The following PRKAR2B variants were observed in gnomAD, a reference collection of about 807,000 sequenced individuals.
The protein encoded by PRKAR2B is cAMP-dependent protein kinase type II-beta regulatory subunit.
PRKAR2B carries 14 observed loss-of-function variants against 49.9 expected under a neutral mutation model. The observed-to-expected ratio is 0.28, with a 90% CI of 0.19 to 0.44. The LOEUF (loss-of-function observed/expected upper bound fraction) is 0.44. PRKAR2B is among the 20% of genes least tolerant of loss of function. The pLI is 1.00. For synonymous variants in PRKAR2B, 196 were observed against 197.7 expected (o/e 0.99, Z 0.07); for missense variants, 393 against 537.9 (o/e 0.73, Z 2.67).
intron 7 of PRKAR2B, among the ~76,000 whole-genome samples, chr7:107,152,535 C>T (rs1391744166): frequency 6.6e-6 from 1 of 152,156 alleles, no homozygotes; most frequent in Non-Finnish European, 1.5e-5. Flanking sequence ...CCTAAAAATT[C>T]AGCTTCATTT....
chr7:107,103,379 AC>A (rs1795011883), intron 2 of PRKAR2B, among the ~76,000 whole-genome samples: 1 of 152,172 alleles, frequency 6.6e-6, no homozygotes, highest in African/African-American at 2.4e-5. Context: ...ATGTAGGCAA[AC>A]CCCAGGGTTC....
At chr7:107,100,986 A>G (rs1354441067) in intron 2 of PRKAR2B, among the ~76,000 whole-genome samples, 2 of 152,052 alleles carry the variant, frequency 1.3e-5, no homozygotes, top group African/African-American at 4.8e-5. Context: ...CCAATTGTAG[A>G]TCATATCTGT....
In PRKAR2B at chr7:107,092,277, C is replaced by CTGTG. The variant is rs34049788; in HGVS notation, c.343+21975_343+21978dup. On this transcript the variant is annotated intron_variant, in intron 2 of 10. Transcript: ENST00000265717. ...TGTGTGTGTGTGTGTGTGCGTGTGT[C>CTGTG]TGTGTGTGTGTGTGTGTCACAGAAT... Among the ~76,000 whole-genome samples, 735 of 146,098 alleles carry CTGTG rather than the reference C, an allele frequency of 5.0e-3. 3 individuals carry two copies. Among genetic ancestry groups the CTGTG allele is most frequent in the Non-Finnish European group, 8.1e-3 (537 of 66,040 alleles).
At chr7:107,082,458 T>C (rs574378433) in intron 2 of PRKAR2B, among the ~76,000 whole-genome samples, 21 of 152,282 alleles carry the variant, frequency 1.4e-4, no homozygotes, top group Non-Finnish European at 2.8e-4. Flanking sequence ...TTGAAAGCTC[T>C]TCTTAGAATA....
chr7:107,157,963 CCT>C (rs2115684415), intron 10 of PRKAR2B, among the ~76,000 whole-genome samples: 1 of 152,130 alleles, frequency 6.6e-6, no homozygotes, highest in African/African-American at 2.4e-5. Flanking sequence ...CAGTTATTAC[CCT>C]CTCTGTGCTT....
chr7:107,059,410 T>C (rs775368111), intron 1 of PRKAR2B, among the ~76,000 whole-genome samples: 16 of 152,284 alleles, frequency 1.1e-4, no homozygotes, highest in Middle Eastern at 3.4e-3. Context: ...CATTTAGTGT[T>C]TGTGTTTCTG....
rs562416140 is a variant in PRKAR2B at position 107,079,315 on chromosome 7, ACTTAT to A, written c.343+9005_343+9009del. Among the ~76,000 whole-genome samples, 604 of 152,190 alleles carry A rather than the reference ACTTAT, an allele frequency of 4.0e-3. 4 individuals are homozygous for A. The highest frequency in any genetic ancestry group is 0.014 in the African/African-American group (569 of 41,536). On this transcript the variant is annotated intron_variant, in intron 2 of 10. Transcript: ENST00000265717. ...ATCTAAACACTGTTTTACTCTCTGT[ACTTAT>A]CTTATTGCAGATTGCCATGGCTTAG...
At chr7:107,059,998 G>T (rs1793994877) in intron 1 of PRKAR2B, among the ~76,000 whole-genome samples, 1 of 152,076 alleles carries the variant, frequency 6.6e-6, no homozygotes, top group African/African-American at 2.4e-5. Flanking sequence ...TACCAGATTT[G>T]CAAAAATGTA....
At chr7:107,091,228 GAT>G in intron 2 of PRKAR2B, among the ~76,000 whole-genome samples, 1 of 152,314 alleles carries the variant, frequency 6.6e-6, no homozygotes, top group African/African-American at 2.4e-5. Flanking sequence ...CTGTAGAAGA[GAT>G]AGTTTTATAT....
At chr7:107,070,927 G>T (rs2116773358) in intron 2 of PRKAR2B, among the ~76,000 whole-genome samples, 2 of 152,294 alleles carry the variant, frequency 1.3e-5, no homozygotes, top group Middle Eastern at 6.8e-3. Context: ...CAGCATGATA[G>T]GCCTTAGCCA....
At chr7:107,078,843 G>C (rs1220737583) in intron 2 of PRKAR2B, among the ~76,000 whole-genome samples, 6 of 152,140 alleles carry the variant, frequency 3.9e-5, no homozygotes, top group Non-Finnish European at 7.4e-5. Context: ...TTCTCTTAGA[G>C]CCCCCCAGGG....
intron 2 of PRKAR2B, among the ~76,000 whole-genome samples, chr7:107,108,951 G>A (rs1051817374): frequency 6.6e-6 from 1 of 152,216 alleles, no homozygotes; most frequent in Non-Finnish European, 1.5e-5. Context: ...CTGCTCCATA[G>A]ACAGAGCAGA....
chr7:107,083,227 A>T (rs1794549385), intron 2 of PRKAR2B, among the ~76,000 whole-genome samples: 1 of 152,098 alleles, frequency 6.6e-6, no homozygotes, highest in South Asian at 2.1e-4. Context: ...AAAAAAAAAA[A>T]AAATAGAGTT....
At chr7:107,076,264 C>G (rs563293074) in intron 2 of PRKAR2B, among the ~76,000 whole-genome samples, 2 of 152,136 alleles carry the variant, frequency 1.3e-5, no homozygotes, top group African/African-American at 2.4e-5. Flanking sequence ...AATTTAACAT[C>G]GATACGATAC....
chr7:107,156,040 G>A (rs893028459), intron 8 of PRKAR2B, among the ~76,000 whole-genome samples: 1 of 152,162 alleles, frequency 6.6e-6, no homozygotes. Context: ...TCACTCATAA[G>A]TGGGAGTTGA....
At chr7:107,111,388 G>T (rs1795169198) in intron 2 of PRKAR2B, among the ~76,000 whole-genome samples, 2 of 152,164 alleles carry the variant, frequency 1.3e-5, no homozygotes, top group Non-Finnish European at 2.9e-5. Flanking sequence ...TGATTGTAGA[G>T]CCCCAGGGCC....
chr7:107,161,451 T>G lies in PRKAR2B; in HGVS notation c.*1869T>G, dbSNP rs1796195450. On this transcript the variant is annotated 3_prime_UTR_variant, in exon 11 of 11. Coordinates refer to ENST00000265717, the MANE Select transcript of PRKAR2B (RefSeq NM_002736.3). ...AATGCCACGTACATTATTTTCAGTA[T>G]TGTTGGTTATATTTAAATTTTCCTT... 1 of 152,674 alleles carries G rather than the reference T, an allele frequency of 6.5e-6. No individual in the cohort carries two copies. The highest frequency in any genetic ancestry group is 2.4e-5 in the African/African-American group (1 of 41,476). The allele number at this position is 152,674 out of a possible 1,614,324, so 9.5% of individuals were successfully genotyped here. A position where few individuals can be genotyped will look rare whatever the true frequency, so the allele number is the denominator to read the frequency against.
At chr7:107,098,860 C>A (rs1035060290) in intron 2 of PRKAR2B, among the ~76,000 whole-genome samples, 6 of 152,176 alleles carry the variant, frequency 3.9e-5, no homozygotes, top group Non-Finnish European at 8.8e-5. Context: ...ATGTTGCTGC[C>A]TGATCCTTTC....
intron 2 of PRKAR2B, among the ~76,000 whole-genome samples, chr7:107,106,010 G>A (rs958148515): frequency 2.6e-5 from 4 of 152,112 alleles, no homozygotes; most frequent in African/African-American, 9.7e-5. Context: ...TTTGCCTATT[G>A]TAGCTTCCTC....
Sources: gnomAD v4.1 joint callset for allele counts (sites outside exome capture counted in the v4.1 genomes callset) on GRCh38, gnomAD v4.1.1 for gene constraint, MANE v1.5 for transcripts, NCBI Gene and HGNC (gene_info 2026-07-23, HGNC 2026-07-21) for gene names.